The following PDE1A variants were observed in gnomAD, a reference collection of about 807,000 sequenced individuals.
PDE1A encodes the protein dual specificity calcium/calmodulin-dependent 3',5'-cyclic nucleotide phosphodiesterase 1A.
In PDE1A, 35 loss-of-function variants were observed where a neutral mutation model predicts 61.7. That is an observed-to-expected ratio of 0.57 (90% CI 0.43 to 0.75). PDE1A has a LOEUF of 0.75. Among genes scored for constraint, PDE1A ranks in the 30% least tolerant of loss-of-function variants. The pLI, the probability that PDE1A is intolerant of heterozygous loss-of-function variation, is 0.00. For synonymous variants in PDE1A, 232 were observed against 213.2 expected, an observed-to-expected ratio of 1.09 and a Z score of -0.77; for missense variants, 597 against 630.6, an observed-to-expected ratio of 0.95 and a Z score of 0.57.
the PDE1A span, among the ~76,000 whole-genome samples, chr2:182,539,728 T>C: frequency 6.6e-6 from 1 of 152,248 alleles, no homozygotes; most frequent in Non-Finnish European, 1.5e-5. Flanking sequence ...TAGTTTAGTA[T>C]GAATAGCCTA....
At chr2:182,696,793 C>G in the PDE1A span, among the ~76,000 whole-genome samples, 1 of 152,082 alleles carries the variant, frequency 6.6e-6, no homozygotes, top group Non-Finnish European at 1.5e-5. Context: ...AAAATAAAGT[C>G]TATTTTCAAA....
At chr2:182,584,508 T>G in the PDE1A span, among the ~76,000 whole-genome samples, 1 of 152,194 alleles carries the variant, frequency 6.6e-6, no homozygotes, top group Non-Finnish European at 1.5e-5. Context: ...ATAATAATAA[T>G]CACTTGGACG....
chr2:182,429,114 AG>A (rs2125625010), upstream of PDE1A, among the ~76,000 whole-genome samples: 1 of 152,256 alleles, frequency 6.6e-6, no homozygotes, highest in African/African-American at 2.4e-5. Context: ...CTTTATGGAA[AG>A]CACTATATTT....
At chr2:182,336,775 ATAAG>A (rs1160934044) in intron 1 of PDE1A, among the ~76,000 whole-genome samples, 1 of 22,376 alleles carries the variant, frequency 4.5e-5, no homozygotes, top group Admixed American at 8.6e-4. Flanking sequence ...ATATATATAT[ATAAG>A]TCCCTATGAG....
At chr2:182,345,661 A>C (rs1227851307) in intron 1 of PDE1A, among the ~76,000 whole-genome samples, 1 of 152,130 alleles carries the variant, frequency 6.6e-6, no homozygotes, top group East Asian at 1.9e-4. Flanking sequence ...GCTCCTGCTT[A>C]AACAGTCTTT....
intron 1 of PDE1A, among the ~76,000 whole-genome samples, chr2:182,354,576 C>T (rs1699071431): frequency 6.6e-6 from 1 of 152,094 alleles, no homozygotes; most frequent in African/African-American, 2.4e-5. Flanking sequence ...GCACTGTCTT[C>T]ACTTTAAGAG....
intron 1 of PDE1A, among the ~76,000 whole-genome samples, chr2:182,345,667 T>A (rs1698476211): frequency 6.6e-6 from 1 of 152,144 alleles, no homozygotes; most frequent in African/African-American, 2.4e-5. Flanking sequence ...GCTTAAACAG[T>A]CTTTGTAATG....
intron 2 of PDE1A, among the ~76,000 whole-genome samples, chr2:182,473,462 G>A (rs1687162269): frequency 1.3e-5 from 2 of 151,752 alleles, no homozygotes; most frequent in Non-Finnish European, 2.9e-5. Flanking sequence ...TCAAAAAGTG[G>A]GTGAAGGACA....
chr2:182,405,869 T>C (rs1243710598), intron 1 of PDE1A, among the ~76,000 whole-genome samples: 2 of 152,104 alleles, frequency 1.3e-5, no homozygotes, highest in African/African-American at 2.4e-5. Flanking sequence ...CATCACATTG[T>C]ACCCATAAAT....
intron 11 of PDE1A, among the ~76,000 whole-genome samples, chr2:182,188,521 C>T (rs1453988444): frequency 1.3e-5 from 2 of 152,148 alleles, no homozygotes; most frequent in Non-Finnish European, 2.9e-5. Context: ...TTGCAAATTT[C>T]CTGTTGTTGG....
At chr2:182,667,875 A>G in the PDE1A span, among the ~76,000 whole-genome samples, 1 of 152,200 alleles carries the variant, frequency 6.6e-6, no homozygotes, top group Non-Finnish European at 1.5e-5. Context: ...GGATCTGAAA[A>G]TAGGGCTTTA....
chr2:182,616,654 T>A, the PDE1A span, among the ~76,000 whole-genome samples: 1 of 152,230 alleles, frequency 6.6e-6, no homozygotes, highest in Middle Eastern at 3.2e-3. Flanking sequence ...GGAGAGGACA[T>A]CACACTCCAG....
chr2:182,298,900 A>T (rs546638814), intron 1 of PDE1A, among the ~76,000 whole-genome samples: 14 of 152,198 alleles, frequency 9.2e-5, no homozygotes, highest in African/African-American at 3.1e-4. Flanking sequence ...ACACACACAC[A>T]TTTAAAAACA....
intron 2 of PDE1A, among the ~76,000 whole-genome samples, chr2:182,518,377 C>G (rs1326040200): frequency 6.6e-6 from 1 of 152,180 alleles, no homozygotes; most frequent in Non-Finnish European, 1.5e-5. Flanking sequence ...TAATTCTTCT[C>G]TCCTTCACTT....
At chr2:182,472,883 A>T (rs1687118958) in intron 2 of PDE1A, among the ~76,000 whole-genome samples, 1 of 151,738 alleles carries the variant, frequency 6.6e-6, no homozygotes, top group Non-Finnish European at 1.5e-5. Flanking sequence ...AACTTCTTTA[A>T]CATTAAATCC....
intron 1 of PDE1A, among the ~76,000 whole-genome samples, chr2:182,342,399 A>C (rs1167805794): frequency 6.6e-6 from 1 of 152,184 alleles, no homozygotes; most frequent in Non-Finnish European, 1.5e-5. Flanking sequence ...TCACCTAAAC[A>C]TAGGCCAGGC....
chr2:182,405,566 T>C (rs1702252605), intron 1 of PDE1A, among the ~76,000 whole-genome samples: 2 of 152,172 alleles, frequency 1.3e-5, no homozygotes, highest in South Asian at 2.1e-4. Flanking sequence ...CTTAATTCTG[T>C]CAAAAACTAC....
the PDE1A span, among the ~76,000 whole-genome samples, chr2:182,679,553 C>T: frequency 6.6e-6 from 1 of 151,880 alleles, no homozygotes; most frequent in African/African-American, 2.4e-5. Context: ...TGAAACATCA[C>T]ACTGTACCCA....
intron 13 of PDE1A, among the ~76,000 whole-genome samples, chr2:182,175,357 C>A (rs1289058380): frequency 1.3e-5 from 2 of 152,114 alleles, no homozygotes; most frequent in Non-Finnish European, 2.9e-5. Flanking sequence ...TATTTCCTGA[C>A]TTTTTAATGA....
Sources: gnomAD v4.1 joint callset for allele counts (sites outside exome capture counted in the v4.1 genomes callset) on GRCh38, gnomAD v4.1.1 for gene constraint, MANE v1.5 for transcripts, NCBI Gene and HGNC (gene_info 2026-07-23, HGNC 2026-07-21) for gene names.